Variants in GRIK1 observed in about 807,000 individuals in gnomAD.
GRIK1 encodes glutamate receptor ionotropic, kainate 1.
GRIK1 carries 69 observed loss-of-function variants against 105.7 expected under a neutral mutation model. The ratio of observed to expected loss-of-function variants is 0.65; its 90% confidence interval spans 0.54 to 0.80. GRIK1 has a LOEUF of 0.80. GRIK1 is among the 30% of genes least tolerant of loss of function. GRIK1 has a pLI of 0.00. For missense variants in GRIK1, 1,109 were observed against 1,167.3 expected (o/e 0.95, Z 0.73); for synonymous variants, 438 against 431.3 (o/e 1.02, Z -0.19).
At chr21:29,586,864 C>T (rs1349478117) in intron 12 of GRIK1, among the ~76,000 whole-genome samples, 2 of 152,106 alleles carry the variant, frequency 1.3e-5, no homozygotes, top group African/African-American at 2.4e-5. Context: ...CTTTCTCATG[C>T]CTTTAAAAAT....
intron 1 of GRIK1, among the ~76,000 whole-genome samples, chr21:29,899,152 A>G (rs933464948): frequency 3.9e-5 from 6 of 152,252 alleles, no homozygotes. Context: ...TATATACAAT[A>G]TTGCTCAAAG....
intron 1 of GRIK1, among the ~76,000 whole-genome samples, chr21:29,924,493 T>C (rs554340375): frequency 2.0e-5 from 3 of 152,308 alleles, no homozygotes; most frequent in African/African-American, 7.2e-5. Context: ...ACAACTGCTC[T>C]GAAACCCAAT....
chr21:29,871,103 T>A (rs1167951410), intron 1 of GRIK1, among the ~76,000 whole-genome samples: 1 of 152,082 alleles, frequency 6.6e-6, no homozygotes, highest in Non-Finnish European at 1.5e-5. Context: ...CCTCTTCTGC[T>A]CTCCCTGGAT....
chr21:29,782,937 T>TA (rs2066163746), intron 1 of GRIK1, among the ~76,000 whole-genome samples: 1 of 152,200 alleles, frequency 6.6e-6, no homozygotes, highest in South Asian at 2.1e-4. Context: ...CATCTTGGTG[T>TA]AAAATCGTAG....
intron 1 of GRIK1, among the ~76,000 whole-genome samples, chr21:29,839,896 G>C (rs1169854175): frequency 1.3e-5 from 2 of 152,158 alleles, no homozygotes; most frequent in African/African-American, 4.8e-5. Flanking sequence ...AGTGTGAAAG[G>C]TTTTTATGTG....
intron 1 of GRIK1, among the ~76,000 whole-genome samples, chr21:29,788,181 T>G (rs905105301): frequency 6.6e-6 from 1 of 152,168 alleles, no homozygotes; most frequent in Non-Finnish European, 1.5e-5. Context: ...TCCAAATCTA[T>G]ACAACATGTC....
At chr21:29,930,432 A>G (rs946283216) in intron 1 of GRIK1, among the ~76,000 whole-genome samples, 2 of 152,160 alleles carry the variant, frequency 1.3e-5, no homozygotes, top group Admixed American at 6.5e-5. Context: ...AAGTAAGAAC[A>G]CTTGATTTTT....
Position 29,693,996 on chromosome 21 carries a change from G to A in GRIK1, c.186C>T (p.Val62=). 6.2e-7 allele frequency: 1 copy of A among 1,611,012 alleles called. No homozygotes were observed. Among genetic ancestry groups the A allele is most frequent in the Non-Finnish European group, 8.5e-7 (1 of 1,177,236 alleles). ...GGGTTCGGTTTCTGTTAATGCTGGT[G>A]ACTGCAAACTTGAAAGCTAATTCTT... ...NVEELAFKFA[V]TSINRNRTLM... Residue 62 remains valine, a synonymous_variant, in exon 2 of 18, where the codon GTC becomes GTT. Transcript: ENST00000327783.
chr21:29,922,469 T>G (rs996171984), intron 1 of GRIK1, among the ~76,000 whole-genome samples: 7 of 152,118 alleles, frequency 4.6e-5, no homozygotes, highest in Non-Finnish European at 1.0e-4. Context: ...AATAATTAAA[T>G]GTACATATAT....
chr21:29,741,828 T>C (rs2064937079), intron 1 of GRIK1, among the ~76,000 whole-genome samples: 1 of 152,356 alleles, frequency 6.6e-6, no homozygotes, highest in African/African-American at 2.4e-5. Context: ...GAAAATTGAT[T>C]GCCGTTGTTT....
intron 1 of GRIK1, among the ~76,000 whole-genome samples, chr21:29,717,619 A>T (rs1368849633): frequency 1.3e-5 from 2 of 152,188 alleles, no homozygotes; most frequent in Non-Finnish European, 2.9e-5. Context: ...CATTTGGTAT[A>T]TTTACCCAAT....
intron 1 of GRIK1, among the ~76,000 whole-genome samples, chr21:29,933,114 C>A (rs2071630440): frequency 6.6e-6 from 1 of 151,880 alleles, no homozygotes; most frequent in African/African-American, 2.4e-5. Context: ...TATCTGCCAC[C>A]ATACTAAGTG....
At chr21:29,780,673 A>G (rs1473640036) in intron 1 of GRIK1, among the ~76,000 whole-genome samples, 1 of 152,338 alleles carries the variant, frequency 6.6e-6, no homozygotes, top group South Asian at 2.1e-4. Flanking sequence ...GCATCATTTT[A>G]TCACTTGATT....
rs573055788 is a variant in GRIK1, at chr21:29,648,565, C to T, written c.954+2553G>A. On this transcript the variant is annotated intron_variant, in intron 6 of 17. Coordinates refer to ENST00000327783, the MANE Select transcript of GRIK1 (RefSeq NM_001330994.2). The stretch of plus-strand genomic sequence containing the variant: ...ATACATATTTATTGACGGTGTACTT[C>T]GCACTGGGCCTTTTCTAGTGCTGGG... Among the ~76,000 whole-genome samples the T allele has an allele frequency of 1.1e-4, 17 of 152,110 alleles. No individual in the cohort carries two copies. The South Asian group carries it at 2.7e-3, about 24-fold the overall frequency.
chr21:29,666,805 G>A (rs1176569496), intron 4 of GRIK1, among the ~76,000 whole-genome samples: 1 of 152,216 alleles, frequency 6.6e-6, no homozygotes, highest in African/African-American at 2.4e-5. Context: ...GTTTCAGGTT[G>A]CAATAAGACG....
At chr21:29,553,726 A>G (rs771313875) in intron 16 of GRIK1, 5 of 1,484,534 alleles carry the variant, frequency 3.4e-6, no homozygotes, top group Non-Finnish European at 4.6e-6. Flanking sequence ...AAGAAATGAG[A>G]AAAAAATATA....
At chr21:29,787,123 T>C (rs1317552459) in intron 1 of GRIK1, among the ~76,000 whole-genome samples, 1 of 152,234 alleles carries the variant, frequency 6.6e-6, no homozygotes, top group Non-Finnish European at 1.5e-5. Context: ...TAAGATGATC[T>C]GTAAGTATAA....
At chr21:29,633,310 C>T (rs759592366) in intron 7 of GRIK1, among the ~76,000 whole-genome samples, 1 of 152,102 alleles carries the variant, frequency 6.6e-6, no homozygotes, top group Non-Finnish European at 1.5e-5. Context: ...ATTATCCTGG[C>T]CAACATGGTG....
At chr21:29,648,744 AAG>A (rs997576749) in intron 6 of GRIK1, among the ~76,000 whole-genome samples, 6 of 152,170 alleles carry the variant, frequency 3.9e-5, no homozygotes, top group African/African-American at 9.7e-5. Flanking sequence ...GGTAAGAAGA[AAG>A]AGAGAAAAAC....
Sources: gnomAD v4.1 joint callset for allele counts (sites outside exome capture counted in the v4.1 genomes callset) on GRCh38, gnomAD v4.1.1 for gene constraint, MANE v1.5 for transcripts, NCBI Gene and HGNC (gene_info 2026-07-23, HGNC 2026-07-21) for gene names.